The following ARHGAP28 variants were observed in gnomAD, a reference collection of about 807,000 sequenced individuals.
ARHGAP28 encodes Rho GTPase activating protein 28.
ARHGAP28 carries 56 observed loss-of-function variants against 90.7 expected under a neutral mutation model. The ratio of observed to expected loss-of-function variants is 0.62; its 90% CI spans 0.50 to 0.77. The LOEUF (loss-of-function observed/expected upper bound fraction) is 0.77, where lower values mean the gene tolerates loss of function less well. Among genes scored for constraint, ARHGAP28 ranks in the 30% least tolerant of loss-of-function variants. ARHGAP28 has a pLI of 0.00. For synonymous variants in ARHGAP28, 308 were observed against 323.3 expected, an observed-to-expected ratio of 0.95 and a Z score of 0.51; for missense variants, 869 against 900.9, an observed-to-expected ratio of 0.96 and a Z score of 0.45.
chr18:6,729,990 G>A (rs1200980190), intron 1 of ARHGAP28, 47 bp downstream of exon 1: 1 of 1,300,882 alleles, frequency 7.7e-7, no homozygotes, highest in Non-Finnish European at 9.7e-7. Context: ...CGCTGGGCTT[G>A]GGGGGTTCGC....
chr18:6,841,179 T>TCTCTC (rs1567966533), intron 3 of ARHGAP28, among the ~76,000 whole-genome samples: 1 of 67,330 alleles, frequency 1.5e-5, no homozygotes, highest in Non-Finnish European at 2.7e-5. Flanking sequence ...TCTCTCTCTC[T>TCTCTC]CCTCTCTCTC....
intron 9 of ARHGAP28, among the ~76,000 whole-genome samples, chr18:6,875,606 A>T (rs2143575506): frequency 6.6e-6 from 1 of 152,298 alleles, no homozygotes; most frequent in East Asian, 1.9e-4. Context: ...CTTACACATA[A>T]TCAATGCACA....
chr18:6,887,048 C>T, intron 11 of ARHGAP28, 109 bp from the exon 12 acceptor site: 1 of 940,522 alleles, frequency 1.1e-6, no homozygotes, highest in Non-Finnish European at 1.7e-6. Context: ...GAGTCTTTAC[C>T]ACCAAAAGCT....
At chr18:6,745,657 G>A (rs766481632) in intron 1 of ARHGAP28, among the ~76,000 whole-genome samples, 8 of 152,064 alleles carry the variant, frequency 5.3e-5, no homozygotes, top group African/African-American at 1.4e-4. Flanking sequence ...CAGGCAACCC[G>A]TTTCTGACTT....
intron 1 of ARHGAP28, among the ~76,000 whole-genome samples, chr18:6,748,030 A>G (rs115307818): frequency 0.01 from 1,597 of 152,312 alleles, 41 homozygotes; most frequent in African/African-American, 0.036. Context: ...ATAACAGAGC[A>G]TATTGTGGAG....
intron 1 of ARHGAP28, among the ~76,000 whole-genome samples, chr18:6,767,084 G>T (rs909962832): frequency 1.2e-4 from 18 of 151,904 alleles, no homozygotes; most frequent in African/African-American, 2.7e-4. Flanking sequence ...TTTTACTGGG[G>T]TTTTTTTAGT....
At chr18:6,898,461 C>T in intron 16 of ARHGAP28, 1 of 1,612,516 alleles carries the variant, frequency 6.2e-7, no homozygotes, top group Non-Finnish European at 8.5e-7. Context: ...GCGAGCTGCA[C>T]TTTCCTTCCT....
At chr18:6,842,472 C>T (rs775610577) in intron 3 of ARHGAP28, among the ~76,000 whole-genome samples, 17 of 152,234 alleles carry the variant, frequency 1.1e-4, no homozygotes, top group Non-Finnish European at 2.2e-4. Flanking sequence ...TGTTTCTTGA[C>T]TGCAGTAGCC....
intron 1 of ARHGAP28, among the ~76,000 whole-genome samples, chr18:6,792,449 G>GATTTA (rs1261048517): frequency 1.3e-5 from 2 of 152,206 alleles, no homozygotes; most frequent in African/African-American, 4.8e-5. Context: ...GTCCAGCAAG[G>GATTTA]ATTTGAAAGT....
chr18:6,843,786 T>C (rs1295242614), intron 3 of ARHGAP28, among the ~76,000 whole-genome samples: 1 of 152,236 alleles, frequency 6.6e-6, no homozygotes, highest in East Asian at 1.9e-4. Context: ...TTAGAAAATA[T>C]GGACAGGCAA....
At chr18:6,818,030 CA>C (rs1455470883) in intron 1 of ARHGAP28, among the ~76,000 whole-genome samples, 2 of 152,188 alleles carry the variant, frequency 1.3e-5, no homozygotes, top group African/African-American at 4.8e-5. Context: ...GACATGCTAT[CA>C]AATTAATTAA....
intron 11 of ARHGAP28, 28 bp downstream of exon 11, chr18:6,882,327 C>T (rs535056911): frequency 4.4e-5 from 70 of 1,594,314 alleles, no homozygotes; most frequent in Middle Eastern, 1.7e-4. Context: ...TATGTGAATA[C>T]GCTAAGATAT....
intron 4 of ARHGAP28, among the ~76,000 whole-genome samples, chr18:6,855,824 A>G (rs549130915): frequency 2.8e-4 from 43 of 152,290 alleles, no homozygotes; most frequent in Non-Finnish European, 5.3e-4. Context: ...CCTGTGGTAC[A>G]CCTGGTCCAG....
chr18:6,784,480 C>T (rs1482599313), intron 1 of ARHGAP28, among the ~76,000 whole-genome samples: 1 of 152,124 alleles, frequency 6.6e-6, no homozygotes, highest in Non-Finnish European at 1.5e-5. Context: ...AACCACCTTC[C>T]TACCCTCCAC....
intron 1 of ARHGAP28, among the ~76,000 whole-genome samples, chr18:6,762,355 G>T (rs189643023): frequency 5.3e-5 from 8 of 152,232 alleles, no homozygotes; most frequent in Admixed American, 4.6e-4. Flanking sequence ...CACCTTATAA[G>T]GCTTTACATG....
At chr18:6,763,943 A>G (rs1450232068) in intron 1 of ARHGAP28, among the ~76,000 whole-genome samples, 1 of 152,222 alleles carries the variant, frequency 6.6e-6, no homozygotes, top group Non-Finnish European at 1.5e-5. Flanking sequence ...AGAAATAATT[A>G]TCAAGAATAT....
chr18:6,784,984 A>G (rs1307763610), intron 1 of ARHGAP28, among the ~76,000 whole-genome samples: 1 of 152,198 alleles, frequency 6.6e-6, no homozygotes, highest in Non-Finnish European at 1.5e-5. Flanking sequence ...GTGGACAACC[A>G]GGGTCTGAGG....
At chr18:6,784,153 C>T (rs187428029) in intron 1 of ARHGAP28, among the ~76,000 whole-genome samples, 122 of 152,246 alleles carry the variant, frequency 8.0e-4, no homozygotes, top group Non-Finnish European at 1.4e-3. Context: ...CAAATCCATG[C>T]AGTTGGAGAT....
chr18:6,801,607 A>G (rs1470845688), intron 1 of ARHGAP28, among the ~76,000 whole-genome samples: 1 of 151,816 alleles, frequency 6.6e-6, no homozygotes, highest in Non-Finnish European at 1.5e-5. Context: ...GAGAATTGAC[A>G]TCTTTTTTTT....
Sources: gnomAD v4.1 joint callset for allele counts (sites outside exome capture counted in the v4.1 genomes callset) on GRCh38, gnomAD v4.1.1 for gene constraint, MANE v1.5 for transcripts, NCBI Gene and HGNC (gene_info 2026-07-23, HGNC 2026-07-21) for gene names.